The following RBM39 variants were observed in gnomAD, a reference collection of about 807,000 sequenced individuals.
The protein encoded by RBM39 is RNA binding motif protein 39.
A neutral mutation model predicts 79.6 loss-of-function variants in RBM39; 12 were observed. The observed-to-expected ratio is 0.15, with a 90% CI of 0.10 to 0.24. RBM39 has a LOEUF of 0.24. Among genes scored for constraint, RBM39 ranks in the 10% least tolerant of loss-of-function variants. The pLI is 1.00. For synonymous variants in RBM39, 185 were observed against 208.4 expected, an observed-to-expected ratio of 0.89 and a Z score of 0.97; for missense variants, 243 against 653.4, an observed-to-expected ratio of 0.37 and a Z score of 6.85.
intron 6 of RBM39, among the ~76,000 whole-genome samples, chr20:35,725,980 C>T (rs1026736800): frequency 3.3e-5 from 5 of 151,702 alleles, no homozygotes; most frequent in African/African-American, 9.7e-5. Context: ...AGCCCATTTT[C>T]AGTAAGATCT....
chr20:35,712,266 TAAGAC>T (rs893164028), intron 12 of RBM39, among the ~76,000 whole-genome samples: 3 of 151,190 alleles, frequency 2.0e-5, no homozygotes, highest in Non-Finnish European at 1.5e-5. Flanking sequence ...GTAAGGTGTT[TAAGAC>T]TAGCCTGGCC....
intron 10 of RBM39, 32 bp downstream of exon 10, chr20:35,716,708 C>T (rs767238336): frequency 5.8e-5 from 74 of 1,284,284 alleles, no homozygotes; most frequent in Non-Finnish European, 7.9e-5. Context: ...AAAAAAAAAA[C>T]CCTAAGTAAT....
intron 9 of RBM39, among the ~76,000 whole-genome samples, chr20:35,717,331 G>T (rs1046216734): frequency 2.0e-5 from 3 of 149,728 alleles, no homozygotes; most frequent in African/African-American, 7.3e-5. Flanking sequence ...AACTTCCCAA[G>T]CGAGAAATTA....
chr20:35,738,152 T>C (rs1011650301), intron 3 of RBM39, among the ~76,000 whole-genome samples: 3 of 141,430 alleles, frequency 2.1e-5, no homozygotes, highest in East Asian at 2.0e-4. Context: ...CCAGACTCCA[T>C]GTCAAAGAAA....
In RBM39 at chr20:35,732,237, C is replaced by A. The variant is rs886647818; in HGVS notation, c.102-102G>T. 6 of 1,134,032 alleles carry A rather than the reference C, an allele frequency of 5.3e-6. No homozygotes were observed. The African/African-American group carries it at 6.3e-5, about 12-fold the overall frequency. 70.2% of individuals were successfully genotyped at this position (1,134,032 alleles called of 1,614,324 possible). On this transcript the variant is annotated intron_variant, in intron 3 of 16. Coordinates refer to ENST00000253363, the MANE Select transcript of RBM39 (RefSeq NM_184234.3). ...CATTTTTTCATCCTTTCATAAATTT[C>A]TTTGGCTAGTTTTACTATGATACAA...
intron 2 of RBM39, chr20:35,740,517 A>T (rs892760346): frequency 7.5e-7 from 1 of 1,327,528 alleles, no homozygotes; most frequent in African/African-American, 1.5e-5. Context: ...AAGTCACTCA[A>T]TTACTACCTT....
intron 4 of RBM39, chr20:35,731,275 T>C (rs768355178): frequency 6.6e-6 from 1 of 152,298 alleles, no homozygotes; most frequent in East Asian, 1.9e-4. Context: ...AGGTGGTTAA[T>C]ATAGTTATTT....
At chr20:35,717,148 C>T (rs946779739) in intron 9 of RBM39, among the ~76,000 whole-genome samples, 5 of 152,022 alleles carry the variant, frequency 3.3e-5, no homozygotes, top group South Asian at 2.1e-4. Flanking sequence ...GGCTTGGTGG[C>T]GCATGCCTGT....
Position 35,707,203 on chromosome 20 carries a change from T to C in RBM39, c.1226-2A>G. 6.2e-7 allele frequency: 1 copy of C among 1,600,268 alleles called. No homozygotes were observed. The highest frequency in any genetic ancestry group is 8.5e-7 in the Non-Finnish European group (1 of 1,171,088). The stretch of plus-strand genomic sequence containing the variant: ...AGGCAGCTGCAGCTAAAGCTGAAGC[T>C]AAAAAAAGAAAGAGAAAAATTAGTT... On this transcript the variant is annotated splice_acceptor_variant, in intron 13 of 16. Transcript: ENST00000253363. LOFTEE classifies it high-confidence loss of function.
At position 35,729,375 on chromosome 20, in the gene RBM39, T is replaced by TA. The variant is rs1461156245; in HGVS notation, c.363-11dup. ...TCGGGAACGTCGTCTGCTGCAAAGT[T>TA]AAAAAGTTTCAGAAGTTATCCAAAC... On this transcript the variant is annotated splice_polypyrimidine_tract_variant and intron_variant, in intron 5 of 16. Transcript: ENST00000253363. 2 of 1,606,850 alleles carry TA rather than the reference T, an allele frequency of 1.2e-6. No homozygotes were observed. Among genetic ancestry groups the TA allele is most frequent in the Admixed American group, 3.4e-5 (2 of 57,992 alleles).
chr20:35,703,145 G>A lies in RBM39; in HGVS notation c.*1336C>T, dbSNP rs1341525043. ...AAGATTTACCAAGAGATAAACAGTT[G>A]AAGAGAATTGAGTATAAATGGTGAC... On this transcript the variant is annotated 3_prime_UTR_variant, in exon 17 of 17. Coordinates refer to ENST00000253363, the MANE Select transcript of RBM39 (RefSeq NM_184234.3). The A allele has an allele frequency of 6.6e-6, 1 of 152,100 alleles. No individual in the cohort carries two copies. The highest frequency in any genetic ancestry group is 1.5e-5 in the Non-Finnish European group (1 of 68,018). 9.4% of individuals were successfully genotyped at this position (152,100 alleles called of 1,614,324 possible).
chr20:35,726,055 C>T (rs1569041685), intron 6 of RBM39, among the ~76,000 whole-genome samples: 1 of 152,316 alleles, frequency 6.6e-6, no homozygotes, highest in East Asian at 1.9e-4. Context: ...CTAAGGTTTA[C>T]TGTTTCTTGT....
chr20:35,736,029 T>C (rs2039869008), intron 3 of RBM39, among the ~76,000 whole-genome samples: 1 of 152,204 alleles, frequency 6.6e-6, no homozygotes, highest in East Asian at 1.9e-4. Flanking sequence ...GAGACAATGG[T>C]ACAGTAACGA....
chr20:35,732,280 TAAA>T (rs11479445), intron 3 of RBM39, 145 bp from the exon 4 acceptor site: 434 of 529,170 alleles, frequency 8.2e-4, no homozygotes, highest in Non-Finnish European at 9.7e-4. Context: ...TAATCATACT[TAAA>T]AAAAAAAAAA....
chr20:35,736,112 C>T (rs889649338), intron 3 of RBM39, among the ~76,000 whole-genome samples: 1 of 66,096 alleles, frequency 1.5e-5, no homozygotes, highest in Non-Finnish European at 4.4e-5. Context: ...CTCGGCCTGA[C>T]ACCTAAATTG....
intron 2 of RBM39, chr20:35,740,618 G>T: frequency 6.9e-7 from 1 of 1,443,372 alleles, no homozygotes; most frequent in Non-Finnish European, 9.4e-7. Context: ...AGATAGATGG[G>T]CATTTATTCA....
At chr20:35,720,862 T>C (rs1410680014) in intron 9 of RBM39, among the ~76,000 whole-genome samples, 1 of 152,154 alleles carries the variant, frequency 6.6e-6, no homozygotes, top group Non-Finnish European at 1.5e-5. Context: ...ATTCACCCAC[T>C]GAAGATTTCA....
intron 2 of RBM39, 29 bp downstream of exon 2, chr20:35,740,795 A>G (rs759134598): frequency 1.3e-6 from 2 of 1,592,720 alleles, no homozygotes; most frequent in African/African-American, 2.7e-5. Flanking sequence ...TAAGAAATAT[A>G]TAAACCTCAC....
At chr20:35,736,596 C>A (rs1161789837) in intron 3 of RBM39, 8 of 469,492 alleles carry the variant, frequency 1.7e-5, no homozygotes, top group South Asian at 1.2e-4. Context: ...AAAAAGAAAT[C>A]AAATAAATGG....
Sources: allele counts gnomAD v4.1 joint callset (sites outside exome capture counted in the v4.1 genomes callset), GRCh38; gene constraint gnomAD v4.1.1; transcripts MANE v1.5; gene names NCBI Gene and HGNC (gene_info 2026-07-23, HGNC 2026-07-21).